The following ADAMTS20 variants were observed in gnomAD, a reference collection of about 807,000 sequenced individuals.
ADAMTS20 encodes the protein ADAM metallopeptidase with thrombospondin type 1 motif 20.
ADAMTS20 carries 225 observed loss-of-function variants against 260.1 expected under a neutral mutation model. The observed-to-expected ratio is 0.87, with a 90% CI of 0.78 to 0.97. The LOEUF (loss-of-function observed/expected upper bound fraction) is 0.97, where lower values mean the gene tolerates loss of function less well. Ranked by LOEUF, ADAMTS20 falls within the 50% of genes least tolerant of loss-of-function variation. The pLI, the probability that ADAMTS20 is intolerant of heterozygous loss-of-function variation, is 0.00. For synonymous variants in ADAMTS20, 802 were observed against 769.5 expected, an observed-to-expected ratio of 1.04 and a Z score of -0.70; for missense variants, 2,400 against 2,337.7, an observed-to-expected ratio of 1.03 and a Z score of -0.55.
chr12:43,550,954 G>A lies in ADAMTS20; in HGVS notation c.408C>T (p.Asn136=), dbSNP rs1943503529. The A allele has an allele frequency of 1.3e-6, 2 of 1,599,964 alleles. No homozygotes were observed. ...CGACGGCCTTGTAATCCTCCTGTGA[G>A]TTGACCTGGCCGCGGTAGAAGCAGT... ...LRHCFYRGQV[N]SQEDYKAVVS... Residue 136 remains asparagine, a synonymous_variant, in exon 2 of 39, where the codon AAC becomes AAT. Transcript: ENST00000389420.
rs1393940331 is a variant in ADAMTS20 at position 43,432,709 on chromosome 12, A to C, written c.2823T>G (p.Thr941=). 6.2e-7 allele frequency: 1 copy of C among 1,613,988 alleles called. No homozygotes were observed. Among genetic ancestry groups the C allele is most frequent in the South Asian group, 1.1e-5 (1 of 91,086 alleles). The part of the protein sequence containing the change: ...CMKYSIHEGQ[T]VQVDDHYCGD... ...CACAGTAGTGGTCATCAACTTGAAC[A>C]GTCTGTCCTTCATGAATGGAATACT... The change falls in exon 20 of 39, where the codon ACT becomes ACG. Residue 941 remains threonine (T), a synonymous_variant. Transcript: ENST00000389420.
intron 16 of ADAMTS20, among the ~76,000 whole-genome samples, 153 bp downstream of exon 16, chr12:43,443,638 G>T (rs1941707328): frequency 6.6e-6 from 1 of 151,890 alleles, no homozygotes; most frequent in Admixed American, 6.6e-5. Flanking sequence ...GAGTGCTTAA[G>T]AACATATGTA....
chr12:43,536,832 C>T (rs1943301709), intron 2 of ADAMTS20, among the ~76,000 whole-genome samples: 1 of 152,188 alleles, frequency 6.6e-6, no homozygotes, highest in Non-Finnish European at 1.5e-5. Flanking sequence ...CTCAGAATCA[C>T]ACAAATATAT....
intron 21 of ADAMTS20, 86 bp downstream of exon 21, chr12:43,432,218 C>A: frequency 7.5e-7 from 1 of 1,338,240 alleles, no homozygotes; most frequent in South Asian, 1.5e-5. Context: ...TAAATTTAAG[C>A]ACTTTTAAAT....
chr12:43,539,047 G>A (rs943229542), intron 2 of ADAMTS20, among the ~76,000 whole-genome samples: 1 of 150,252 alleles, frequency 6.7e-6, no homozygotes, highest in Admixed American at 6.7e-5. Flanking sequence ...CCACCACCCG[G>A]GTTCAAGCAA....
intron 32 of ADAMTS20, 80 bp downstream of exon 32, chr12:43,377,285 G>A (rs1014320857): frequency 2.2e-5 from 28 of 1,266,804 alleles, no homozygotes; most frequent in Admixed American, 5.2e-5. Context: ...GATCTAGTTA[G>A]ACATACAAAC....
At chr12:43,531,666 G>A (rs1943222769) in intron 3 of ADAMTS20, among the ~76,000 whole-genome samples, 1 of 152,046 alleles carries the variant, frequency 6.6e-6, no homozygotes, top group Admixed American at 6.6e-5. Context: ...TGTTCAAAGG[G>A]CATAAAATTT....
chr12:43,425,795 T>G, intron 27 of ADAMTS20, 105 bp from the exon 28 acceptor site: 1 of 767,312 alleles, frequency 1.3e-6, no homozygotes, highest in Non-Finnish European at 1.9e-6. Context: ...ATTCTAGTAA[T>G]TTTAACATAA....
chr12:43,504,966 G>C (rs1942820976), intron 3 of ADAMTS20, among the ~76,000 whole-genome samples: 1 of 152,084 alleles, frequency 6.6e-6, no homozygotes, highest in African/African-American at 2.4e-5. Flanking sequence ...CCACCCCTAG[G>C]TATTTATCTA....
At chr12:43,520,015 C>T (rs1943049658) in intron 3 of ADAMTS20, among the ~76,000 whole-genome samples, 1 of 152,090 alleles carries the variant, frequency 6.6e-6, no homozygotes, top group Non-Finnish European at 1.5e-5. Flanking sequence ...GGCAGTTTTG[C>T]ACTATTTCTA....
chr12:43,377,768 G>C (rs549102525), intron 31 of ADAMTS20, among the ~76,000 whole-genome samples: 1 of 151,854 alleles, frequency 6.6e-6, no homozygotes, highest in East Asian at 1.9e-4. Context: ...CTCAGATCCA[G>C]GCTAGATTTT....
At chr12:43,497,048 A>G (rs114956644) in intron 4 of ADAMTS20, among the ~76,000 whole-genome samples, 2,698 of 152,292 alleles carry the variant, frequency 0.018, 90 homozygotes, top group African/African-American at 0.062. Flanking sequence ...TATTTTCAAT[A>G]TATTACCTTA....
At position 43,493,231 on chromosome 12, in the gene ADAMTS20, G is replaced by C. The variant is rs1417722648; in HGVS notation, c.890C>G (p.Pro297Arg). The C allele has an allele frequency of 6.4e-7, 1 of 1,556,918 alleles. No individual in the cohort carries two copies. The highest frequency in any genetic ancestry group is 2.0e-5 in the Admixed American group (1 of 51,194). ...MSIVATIYKD[P>R]SIGNLIHIVV... ...TATGTGTATCAAATTTCCAATACTT[G>C]GATCTTTGTAGATTGTTGCAACCTG... is the stretch of plus-strand genomic sequence containing the variant. The change falls in exon 5 of 39, where the codon CCA (proline) becomes CGA (arginine). Residue 297 changes from proline to arginine, a missense_variant. Transcript: ENST00000389420.
intron 28 of ADAMTS20, among the ~76,000 whole-genome samples, chr12:43,425,172 C>A (rs538572999): frequency 3.9e-5 from 6 of 152,176 alleles, no homozygotes; most frequent in African/African-American, 1.4e-4. Context: ...AAGCCAAACA[C>A]TCCATGTTCT....
intron 37 of ADAMTS20, among the ~76,000 whole-genome samples, chr12:43,364,024 A>C (rs1333187596): frequency 6.6e-6 from 1 of 152,200 alleles, no homozygotes. Flanking sequence ...ACACAATTTC[A>C]GGGAAAGAGA....
intron 15 of ADAMTS20, among the ~76,000 whole-genome samples, chr12:43,444,775 T>C (rs547809785): frequency 3.7e-4 from 56 of 152,140 alleles, no homozygotes; most frequent in Non-Finnish European, 6.9e-4. Flanking sequence ...TAAAAAGTAA[T>C]TTTTCTCATA....
At chr12:43,522,716 GT>G (rs1339284578) in intron 3 of ADAMTS20, among the ~76,000 whole-genome samples, 3 of 152,198 alleles carry the variant, frequency 2.0e-5, no homozygotes, top group Non-Finnish European at 4.4e-5. Context: ...TGATGGTGGT[GT>G]TTGTGGGGGT....
At chr12:43,453,816 T>C in intron 12 of ADAMTS20, 91 bp downstream of exon 12, 2 of 1,420,702 alleles carry the variant, frequency 1.4e-6, no homozygotes, top group South Asian at 2.7e-5. Flanking sequence ...ACTTACGGAC[T>C]GACCTCCAGT....
At chr12:43,470,085 T>C (rs1482279351) in intron 7 of ADAMTS20, among the ~76,000 whole-genome samples, 1 of 152,206 alleles carries the variant, frequency 6.6e-6, no homozygotes, top group Admixed American at 6.5e-5. Flanking sequence ...TTATTTCCTC[T>C]GTAGAGTGTG....
Sources: allele counts gnomAD v4.1 joint callset (sites outside exome capture counted in the v4.1 genomes callset), GRCh38; gene constraint gnomAD v4.1.1; transcripts MANE v1.5; gene names NCBI Gene and HGNC (gene_info 2026-07-23, HGNC 2026-07-21).